STIM1: variants seen among roughly 807,000 people sequenced by gnomAD.
STIM1 encodes the protein stromal interaction molecule 1.
Under a neutral mutation model 74.7 loss-of-function variants are expected in STIM1, and 25 were observed. The observed-to-expected ratio is 0.33, with a 90% confidence interval of 0.24 to 0.47. STIM1 has a LOEUF of 0.47. Ranked by LOEUF, STIM1 falls within the 20% of genes least tolerant of loss-of-function variation. STIM1 has a pLI of 1.00. For missense variants in STIM1, 728 were observed against 920.8 expected (o/e 0.79, Z 2.71); for synonymous variants, 328 against 348.8 (o/e 0.94, Z 0.66).
At chr11:4,009,073 C>T (rs1336269455) in intron 2 of STIM1, among the ~76,000 whole-genome samples, 2 of 146,664 alleles carry the variant, frequency 1.4e-5, no homozygotes, top group Non-Finnish European at 3.0e-5. Context: ...GGGCAGATCA[C>T]GAGGTCAGGA....
intron 1 of STIM1, among the ~76,000 whole-genome samples, chr11:3,901,010 G>A (rs1290534679): frequency 6.6e-6 from 1 of 152,214 alleles, no homozygotes; most frequent in Non-Finnish European, 1.5e-5. Context: ...GGCCAACATG[G>A]CGAAACCCTG....
At chr11:3,871,546 C>G (rs572177676) in intron 1 of STIM1, among the ~76,000 whole-genome samples, 1 of 152,268 alleles carries the variant, frequency 6.6e-6, no homozygotes, top group South Asian at 2.1e-4. Context: ...GTCACATACT[C>G]TGAGTGAGTG....
intron 1 of STIM1, among the ~76,000 whole-genome samples, chr11:3,908,968 AG>A (rs1320266872): frequency 7.9e-5 from 12 of 152,144 alleles, no homozygotes; most frequent in African/African-American, 2.7e-4. Context: ...ACAGAAAGTG[AG>A]GGGGGTTTTA....
rs565606251 is a variant in STIM1 at position 4,063,360 on chromosome 11, T to C, written c.613+3964T>C. ...TTACTGCACTTGGCAGATAATTGCA[T>C]TTTTTACAAGTTGAAGGTTTGTGGC... On this transcript the variant is annotated intron_variant, in intron 5 of 12. Transcript: ENST00000526596. Among the ~76,000 whole-genome samples the C allele has an allele frequency of 2.6e-5, 4 of 152,338 alleles. No homozygotes were observed. The South Asian group carries it at 8.3e-4, about 32-fold the overall frequency.
intron 2 of STIM1, among the ~76,000 whole-genome samples, chr11:4,017,881 C>T (rs2135989354): frequency 6.6e-6 from 1 of 152,344 alleles, no homozygotes; most frequent in Non-Finnish European, 1.5e-5. Context: ...TCTGTATCTG[C>T]CCTTTCCCTT....
At chr11:3,889,469 G>A (rs572948283) in intron 1 of STIM1, among the ~76,000 whole-genome samples, 1 of 151,764 alleles carries the variant, frequency 6.6e-6, no homozygotes, top group African/African-American at 2.4e-5. Context: ...CTGGGTCCAA[G>A]CGATTCTCTT....
At chr11:4,034,540 G>A (rs2132946181) in intron 3 of STIM1, among the ~76,000 whole-genome samples, 1 of 152,116 alleles carries the variant, frequency 6.6e-6, no homozygotes, top group East Asian at 1.9e-4. Flanking sequence ...CTAAAATTTT[G>A]TTTTAAATTT....
chr11:3,912,117 C>T (rs986511438), intron 1 of STIM1, among the ~76,000 whole-genome samples: 6 of 150,626 alleles, frequency 4.0e-5, no homozygotes, highest in Non-Finnish European at 1.5e-5. Context: ...TTTCCCTTCT[C>T]CCTAACCTTC....
At chr11:4,022,999 C>T (rs1435693008) in intron 2 of STIM1, among the ~76,000 whole-genome samples, 4 of 152,194 alleles carry the variant, frequency 2.6e-5, no homozygotes, top group South Asian at 2.1e-4. Context: ...CCACCTTTAA[C>T]GGGAGGATTA....
chr11:3,875,603 T>C (rs2091282103), intron 1 of STIM1, among the ~76,000 whole-genome samples: 1 of 151,802 alleles, frequency 6.6e-6, no homozygotes, highest in Non-Finnish European at 1.5e-5. Flanking sequence ...AGTGTGTGCT[T>C]GTAATCCCAG....
rs551721272 is a variant in STIM1, at chr11:4,005,036, G to C, written c.271-18837G>C. On this transcript the variant is annotated intron_variant, in intron 2 of 12. Transcript: ENST00000526596. ...TGCAAATCAAAGCCACAATGAGATAGCATCTCACACCAGTTAGAATGGCAA... is the reference window on the plus strand; with the variant it reads ...TGCAAATCAAAGCCACAATGAGATACCATCTCACACCAGTTAGAATGGCAA... Among the ~76,000 whole-genome samples the C allele has an allele frequency of 1.6e-3, 250 of 152,204 alleles. 2 individuals carry two copies. The highest frequency in any genetic ancestry group is 7.5e-3 in the East Asian group (39 of 5,180).
chr11:3,970,814 G>A (rs568061250), intron 2 of STIM1, among the ~76,000 whole-genome samples: 61 of 152,096 alleles, frequency 4.0e-4, no homozygotes, highest in African/African-American at 1.5e-3. Flanking sequence ...CTTGATATAC[G>A]TGAAGTAATG....
At chr11:4,054,055 A>C (rs942939320) in intron 3 of STIM1, among the ~76,000 whole-genome samples, 3 of 152,196 alleles carry the variant, frequency 2.0e-5, no homozygotes, top group Non-Finnish European at 4.4e-5. Flanking sequence ...CGAGCAACTG[A>C]ATTCTTAATT....
intron 1 of STIM1, chr11:3,892,554 A>G (rs2091927564): frequency 5.6e-6 from 9 of 1,600,656 alleles, no homozygotes; most frequent in Admixed American, 3.3e-5. Flanking sequence ...CAGATGAAAA[A>G]CTGGGAACTG....
At chr11:3,959,394 C>G (rs1211582126) in intron 1 of STIM1, among the ~76,000 whole-genome samples, 1 of 152,112 alleles carries the variant, frequency 6.6e-6, no homozygotes, top group Non-Finnish European at 1.5e-5. Flanking sequence ...ATTCCCTTGA[C>G]TTTTTGGGAG....
At chr11:3,878,604 A>G (rs540436792) in intron 1 of STIM1, among the ~76,000 whole-genome samples, 3 of 152,310 alleles carry the variant, frequency 2.0e-5, no homozygotes, top group African/African-American at 7.2e-5. Context: ...CTGTCTCATT[A>G]CAGAATGTGT....
chr11:3,897,949 G>A (rs1471478632), intron 1 of STIM1, among the ~76,000 whole-genome samples: 10 of 152,088 alleles, frequency 6.6e-5, no homozygotes, highest in Admixed American at 2.6e-4. Context: ...AGTCTTTGCT[G>A]TTGTGAATAA....
chr11:3,979,963 C>A (rs2093485510), intron 2 of STIM1, among the ~76,000 whole-genome samples: 1 of 152,106 alleles, frequency 6.6e-6, no homozygotes, highest in Non-Finnish European at 1.5e-5. Context: ...ATGAACCTTC[C>A]CTGACTTTCC....
chr11:3,932,465 A>C (rs1187953225), intron 1 of STIM1, among the ~76,000 whole-genome samples: 1 of 152,212 alleles, frequency 6.6e-6, no homozygotes, highest in East Asian at 1.9e-4. Context: ...GATCGAGACC[A>C]TCAGGGTTAA....
Sources: allele counts gnomAD v4.1 joint callset (sites outside exome capture counted in the v4.1 genomes callset), GRCh38; gene constraint gnomAD v4.1.1; transcripts MANE v1.5; gene names NCBI Gene and HGNC (gene_info 2026-07-23, HGNC 2026-07-21).